NREP: variants seen among roughly 807,000 people sequenced by gnomAD.
The protein encoded by NREP is neuronal regeneration related protein, also known as neuronal regeneration-related protein.
Under a neutral mutation model 8.6 loss-of-function variants are expected in NREP, and 5 were observed. That is an observed-to-expected ratio of 0.58 (90% CI 0.30 to 1.22). The LOEUF is 1.22. Ranked by LOEUF, NREP falls within the 50% of genes most tolerant of loss-of-function variation. The pLI is 0.07. For missense variants in NREP, 86 were observed against 82.5 expected (o/e 1.04, Z -0.17); for synonymous variants, 27 against 28.0 (o/e 0.96, Z 0.11).
intron 2 of NREP, among the ~76,000 whole-genome samples, chr5:111,744,252 A>G (rs1055937744): frequency 6.6e-6 from 1 of 152,114 alleles, no homozygotes; most frequent in African/African-American, 2.4e-5. Context: ...TCACAATTCA[A>G]TGCTTGTCTT....
chr5:111,839,422 T>C (rs1211902372), intron 2 of NREP, among the ~76,000 whole-genome samples: 2 of 152,132 alleles, frequency 1.3e-5, no homozygotes, highest in African/African-American at 4.8e-5. Flanking sequence ...TGCCTCAGAA[T>C]GCTGACTCTG....
At chr5:111,817,718 T>C (rs2112920868) in intron 2 of NREP, among the ~76,000 whole-genome samples, 1 of 141,406 alleles carries the variant, frequency 7.1e-6, no homozygotes, top group East Asian at 2.1e-4. Flanking sequence ...GGCAGGAGAA[T>C]GGCATGAACC....
intron 2 of NREP, among the ~76,000 whole-genome samples, chr5:111,776,314 G>T (rs1265664352): frequency 6.6e-6 from 1 of 152,098 alleles, no homozygotes; most frequent in Middle Eastern, 3.2e-3. Context: ...TTAAGAGTGG[G>T]CTAGTTTAAA....
chr5:111,765,320 G>A (rs570014314), intron 2 of NREP, among the ~76,000 whole-genome samples: 70 of 152,252 alleles, frequency 4.6e-4, no homozygotes, highest in Non-Finnish European at 7.8e-4. Context: ...CTTACCTCCC[G>A]CTGTATGGCC....
At chr5:111,955,902 A>G (rs1756301943) in intron 2 of NREP, among the ~76,000 whole-genome samples, 1 of 131,976 alleles carries the variant, frequency 7.6e-6, no homozygotes, top group Admixed American at 8.2e-5. Flanking sequence ...CCTGTAGTGA[A>G]AAAAAAAAAA....
At chr5:111,883,102 C>G (rs2112518787) in intron 2 of NREP, among the ~76,000 whole-genome samples, 1 of 152,302 alleles carries the variant, frequency 6.6e-6, no homozygotes, top group Admixed American at 6.5e-5. Flanking sequence ...CAGAGACACA[C>G]ATAGGCTCCA....
At chr5:111,885,831 T>G (rs1754230045) in intron 2 of NREP, among the ~76,000 whole-genome samples, 1 of 152,164 alleles carries the variant, frequency 6.6e-6, no homozygotes, top group African/African-American at 2.4e-5. Context: ...TCAAGATGAA[T>G]TAAAGACTTA....
intron 2 of NREP, among the ~76,000 whole-genome samples, chr5:111,776,601 G>C (rs547964758): frequency 6.6e-6 from 1 of 152,084 alleles, no homozygotes; most frequent in African/African-American, 2.4e-5. Context: ...AATAGTCGTC[G>C]ATTCATACAA....
chr5:111,832,038 C>T (rs867474280), intron 2 of NREP, among the ~76,000 whole-genome samples: 2 of 152,180 alleles, frequency 1.3e-5, no homozygotes, highest in Middle Eastern at 3.4e-3. Flanking sequence ...TTGGAACCTT[C>T]TGGACGAAAG....
At chr5:111,964,339 T>C (rs1756566410) in intron 2 of NREP, among the ~76,000 whole-genome samples, 1 of 152,200 alleles carries the variant, frequency 6.6e-6, no homozygotes, top group Non-Finnish European at 1.5e-5. Flanking sequence ...TATGTAAATA[T>C]ACCATATTTT....
At chr5:111,964,855 CAAAAAAAA>C (rs58877839) in intron 2 of NREP, among the ~76,000 whole-genome samples, 19 of 44,854 alleles carry the variant, frequency 4.2e-4, no homozygotes, top group South Asian at 1.5e-3. Flanking sequence ...CTTTCAGCAG[CAAAAAAAA>C]AAAAAAAAAA....
At chr5:111,731,282 T>A (rs987020142) in intron 3 of NREP, among the ~76,000 whole-genome samples, 1 of 152,148 alleles carries the variant, frequency 6.6e-6, no homozygotes, top group Non-Finnish European at 1.5e-5. Flanking sequence ...TTCAGTAGAA[T>A]GAAGTGCTTC....
At chr5:111,786,179 C>G (rs1751604210) in intron 2 of NREP, among the ~76,000 whole-genome samples, 1 of 152,178 alleles carries the variant, frequency 6.6e-6, no homozygotes. Context: ...TGAGTTCTCA[C>G]AAGATCCAAT....
At chr5:111,946,581 T>C (rs1755991084) in intron 2 of NREP, among the ~76,000 whole-genome samples, 1 of 152,034 alleles carries the variant, frequency 6.6e-6, no homozygotes, top group Non-Finnish European at 1.5e-5. Flanking sequence ...CCTATTCTTA[T>C]TCTTTCTAGT....
intron 2 of NREP, among the ~76,000 whole-genome samples, chr5:111,818,558 A>C (rs1752445148): frequency 6.6e-6 from 1 of 152,216 alleles, no homozygotes; most frequent in Non-Finnish European, 1.5e-5. Context: ...AAAAGCATTC[A>C]GTTTACAAAC....
At chr5:111,897,002 C>T (rs528972634) in intron 2 of NREP, among the ~76,000 whole-genome samples, 1 of 152,076 alleles carries the variant, frequency 6.6e-6, no homozygotes, top group South Asian at 2.1e-4. Context: ...TATTAAATTC[C>T]TGATTATACT....
chr5:111,961,292 C>A (rs185870708), intron 2 of NREP, among the ~76,000 whole-genome samples: 4 of 152,194 alleles, frequency 2.6e-5, no homozygotes, highest in Admixed American at 1.3e-4. Context: ...CCCACTCAGC[C>A]ACCAGTGCCC....
chr5:111,974,263 T>G (rs1756901118), intron 2 of NREP: 1 of 152,246 alleles, frequency 6.6e-6, no homozygotes, highest in African/African-American at 2.4e-5. Flanking sequence ...CATCCAAGAA[T>G]GCAAGGAAAA....
intron 2 of NREP, among the ~76,000 whole-genome samples, chr5:111,911,167 G>C (rs1459816303): frequency 6.6e-6 from 1 of 151,740 alleles, no homozygotes. Context: ...CCAGTGTTCT[G>C]GATATCACCC....
Sources: gnomAD v4.1 joint callset for allele counts (sites outside exome capture counted in the v4.1 genomes callset) on GRCh38, gnomAD v4.1.1 for gene constraint, MANE v1.5 for transcripts, NCBI Gene and HGNC (gene_info 2026-07-23, HGNC 2026-07-21) for gene names.